The following SLC35F3 variants were observed in gnomAD, a reference collection of about 807,000 sequenced individuals.
SLC35F3 encodes solute carrier family 35 member F3.
Under a neutral mutation model 49.9 loss-of-function variants are expected in SLC35F3, and 25 were observed. The ratio of observed to expected loss-of-function variants is 0.50; its 90% confidence interval spans 0.37 to 0.70. The LOEUF (loss-of-function observed/expected upper bound fraction) is 0.70, where lower values mean the gene tolerates loss of function less well. SLC35F3 is among the 30% of genes least tolerant of loss of function. The probability of loss-of-function intolerance (pLI) is 0.00; values close to 1 mark genes in which losing one functional copy is unlikely to be tolerated. For synonymous variants in SLC35F3, 275 were observed against 265.4 expected, an observed-to-expected ratio of 1.04 and a Z score of -0.35; for missense variants, 525 against 639.8, an observed-to-expected ratio of 0.82 and a Z score of 1.94.
intron 2 of SLC35F3, among the ~76,000 whole-genome samples, chr1:234,173,468 T>C (rs1005688156): frequency 6.6e-6 from 1 of 152,184 alleles, no homozygotes; most frequent in African/African-American, 2.4e-5. Context: ...TGCAGGGTCT[T>C]TGTCCTTCAA....
chr1:234,064,119 G>C (rs151145604), intron 2 of SLC35F3, among the ~76,000 whole-genome samples: 28 of 152,266 alleles, frequency 1.8e-4, no homozygotes, highest in Middle Eastern at 3.4e-3. Flanking sequence ...TGGTGGGGGG[G>C]ACTGTTTCCT....
intron 3 of SLC35F3, among the ~76,000 whole-genome samples, chr1:234,302,624 A>G (rs1312739943): frequency 6.6e-6 from 1 of 152,198 alleles, no homozygotes; most frequent in Non-Finnish European, 1.5e-5. Flanking sequence ...GGGTACGGGA[A>G]AAAGAGGAAC....
intron 2 of SLC35F3, among the ~76,000 whole-genome samples, chr1:234,059,621 CATAG>C (rs1664509383): frequency 0.13 from 1,216 of 9,242 alleles, 13 homozygotes; most frequent in African/African-American, 0.28. Context: ...ATAGACTAGA[CATAG>C]ACATAGACAT....
At chr1:234,277,165 A>G (rs1479131368) in intron 3 of SLC35F3, among the ~76,000 whole-genome samples, 3 of 152,212 alleles carry the variant, frequency 2.0e-5, no homozygotes, top group South Asian at 2.1e-4. Flanking sequence ...CCACAGTCCA[A>G]TGAGAGAAAC....
chr1:234,006,532 C>T (rs1170760766), intron 2 of SLC35F3, among the ~76,000 whole-genome samples: 3 of 152,218 alleles, frequency 2.0e-5, no homozygotes, highest in Non-Finnish European at 4.4e-5. Context: ...ACTGCCACTA[C>T]ACAGAGGTTT....
intron 4 of SLC35F3, among the ~76,000 whole-genome samples, chr1:234,313,685 C>T (rs1329164647): frequency 6.6e-6 from 1 of 152,072 alleles, no homozygotes; most frequent in Non-Finnish European, 1.5e-5. Context: ...TCCACACCCA[C>T]CCTTAGCACC....
chr1:234,274,918 T>C (rs1668174545), intron 3 of SLC35F3, among the ~76,000 whole-genome samples: 2 of 152,214 alleles, frequency 1.3e-5, no homozygotes, highest in South Asian at 4.1e-4. Context: ...TTTATTTGCA[T>C]TAAATGAAAA....
At chr1:234,291,829 T>C (rs1260736561) in intron 3 of SLC35F3, among the ~76,000 whole-genome samples, 1 of 152,176 alleles carries the variant, frequency 6.6e-6, no homozygotes, top group African/African-American at 2.4e-5. Context: ...AGTTGGTCCT[T>C]GTACTTTCCA....
intron 3 of SLC35F3, among the ~76,000 whole-genome samples, chr1:234,269,829 C>T (rs1030408266): frequency 2.0e-5 from 3 of 152,132 alleles, no homozygotes; most frequent in African/African-American, 7.2e-5. Flanking sequence ...GCACCCCAAC[C>T]TTCTCTCTTG....
At chr1:234,189,292 G>A (rs2102927997) in intron 2 of SLC35F3, among the ~76,000 whole-genome samples, 1 of 151,706 alleles carries the variant, frequency 6.6e-6, no homozygotes, top group Non-Finnish European at 1.5e-5. Context: ...GAAAGGTGAA[G>A]TCCGACTTAA....
chr1:234,299,363 A>G (rs1392733148), intron 3 of SLC35F3, among the ~76,000 whole-genome samples: 1 of 152,182 alleles, frequency 6.6e-6, no homozygotes, highest in African/African-American at 2.4e-5. Flanking sequence ...AAGTTCTATG[A>G]CCTAAGAGTA....
At chr1:234,113,880 G>A (rs1471869311) in intron 2 of SLC35F3, among the ~76,000 whole-genome samples, 1 of 152,178 alleles carries the variant, frequency 6.6e-6, no homozygotes, top group Non-Finnish European at 1.5e-5. Flanking sequence ...AAAAAAATAA[G>A]AAAAGGTTTT....
At chr1:234,067,482 C>G (rs1164850709) in intron 2 of SLC35F3, among the ~76,000 whole-genome samples, 2 of 152,154 alleles carry the variant, frequency 1.3e-5, no homozygotes, top group African/African-American at 4.8e-5. Context: ...TGTCCGCATC[C>G]GTGAGTGGTC....
intron 2 of SLC35F3, among the ~76,000 whole-genome samples, chr1:234,178,232 C>T (rs1380153348): frequency 6.6e-6 from 1 of 152,158 alleles, no homozygotes; most frequent in Non-Finnish European, 1.5e-5. Flanking sequence ...TGTTGCTTCT[C>T]ACATAAAGTC....
chr1:234,139,951 T>TATAAAATAA (rs1665867565), intron 2 of SLC35F3, among the ~76,000 whole-genome samples: 2 of 90,564 alleles, frequency 2.2e-5, no homozygotes, highest in African/African-American at 4.0e-5. Flanking sequence ...CATCTCAAAA[T>TATAAAATAA]AATAAAATAA....
chr1:234,276,313 G>A (rs1668210242), intron 3 of SLC35F3, among the ~76,000 whole-genome samples: 1 of 152,138 alleles, frequency 6.6e-6, no homozygotes, highest in African/African-American at 2.4e-5. Flanking sequence ...CTGAATGCCT[G>A]TCTTTTCTCA....
In SLC35F3 at chr1:233,922,209, A is replaced by C. The variant is rs1471431208; in HGVS notation, c.283+16451A>C. Among the ~76,000 whole-genome samples the C allele has an allele frequency of 3.9e-5, 6 of 152,212 alleles. 1 individual carries two copies. In the East Asian group the frequency reaches 9.6e-4, roughly 24 times the overall value. On this transcript the variant is annotated intron_variant, in intron 2 of 7. Transcript: ENST00000366618. ...TATTTCTAGTTCTAGATCCTTGAGG[A>C]ACCTCCACCTGTCTTCCACAATGGT... is the stretch of plus-strand genomic sequence containing the variant.
intron 2 of SLC35F3, among the ~76,000 whole-genome samples, chr1:234,058,077 GTT>G (rs1664481456): frequency 4.6e-5 from 7 of 151,976 alleles, no homozygotes; most frequent in Non-Finnish European, 1.0e-4. Flanking sequence ...TTTGTTATGG[GTT>G]TGCATACATA....
At chr1:234,120,420 C>T (rs1247507840) in intron 2 of SLC35F3, among the ~76,000 whole-genome samples, 2 of 152,168 alleles carry the variant, frequency 1.3e-5, no homozygotes, top group African/African-American at 4.8e-5. Flanking sequence ...ATTCAGAAAC[C>T]GTGCTCAGCA....
Sources: gnomAD v4.1 joint callset for allele counts (sites outside exome capture counted in the v4.1 genomes callset) on GRCh38, gnomAD v4.1.1 for gene constraint, MANE v1.5 for transcripts, NCBI Gene and HGNC (gene_info 2026-07-23, HGNC 2026-07-21) for gene names.